TCEA3: variants seen among roughly 807,000 people sequenced by gnomAD.
TCEA3 encodes the protein transcription elongation factor A protein 3.
In TCEA3, 36 loss-of-function variants were observed where a neutral mutation model predicts 44.0. The observed-to-expected ratio is 0.82, with a 90% confidence interval of 0.63 to 1.08. TCEA3 has a LOEUF of 1.08. TCEA3 is among the 50% of genes least tolerant of loss of function. The pLI is 0.00. For synonymous variants in TCEA3, 162 were observed against 159.7 expected (o/e 1.01, Z -0.11); for missense variants, 392 against 441.2 (o/e 0.89, Z 1.00).
intron 5 of TCEA3, chr1:23,404,230 C>A: frequency 1.4e-6 from 1 of 701,166 alleles, no homozygotes; most frequent in South Asian, 1.5e-5. Context: ...TCTCCCCTGT[C>A]AACATGGTAT....
chr1:23,414,406 T>G (rs1639828516), intron 4 of TCEA3, among the ~76,000 whole-genome samples: 1 of 151,688 alleles, frequency 6.6e-6, no homozygotes, highest in Non-Finnish European at 1.5e-5. Flanking sequence ...TTTTGTTTTG[T>G]TTTGTTTTGT....
At chr1:23,408,254 G>C (rs1002111829) in intron 5 of TCEA3, among the ~76,000 whole-genome samples, 2 of 152,272 alleles carry the variant, frequency 1.3e-5, no homozygotes, top group African/African-American at 2.4e-5. Context: ...GAGCCACTGT[G>C]CCCAGCCTAG....
intron 10 of TCEA3, chr1:23,383,840 T>G: frequency 1.0e-6 from 1 of 987,400 alleles, no homozygotes; most frequent in Non-Finnish European, 1.2e-6. Flanking sequence ...TGGGGCAGTC[T>G]GAGTTACAGA....
intron 1 of TCEA3, among the ~76,000 whole-genome samples, chr1:23,421,267 T>G (rs573745063): frequency 3.9e-5 from 6 of 152,354 alleles, no homozygotes; most frequent in African/African-American, 1.4e-4. Context: ...TACAGAATTA[T>G]TATCCTGTGT....
At chr1:23,408,296 G>C (rs1204628550) in intron 5 of TCEA3, among the ~76,000 whole-genome samples, 1 of 152,138 alleles carries the variant, frequency 6.6e-6, no homozygotes, top group Non-Finnish European at 1.5e-5. Context: ...GTCCCCACTG[G>C]GTTCAATCGG....
chr1:23,402,643 C>T (rs1170715484), intron 5 of TCEA3, among the ~76,000 whole-genome samples: 1 of 152,162 alleles, frequency 6.6e-6, no homozygotes, highest in Non-Finnish European at 1.5e-5. Flanking sequence ...AATTCTCTAG[C>T]ACATCACCTG....
chr1:23,412,986 T>C (rs901315216), intron 4 of TCEA3, among the ~76,000 whole-genome samples: 7 of 152,184 alleles, frequency 4.6e-5, no homozygotes, highest in Non-Finnish European at 1.0e-4. Flanking sequence ...GAGATACCTC[T>C]CCATTTTCTG....
chr1:23,392,695 A>T (rs1639096807), intron 8 of TCEA3, among the ~76,000 whole-genome samples: 1 of 30,394 alleles, frequency 3.3e-5, no homozygotes, highest in Non-Finnish European at 7.0e-5. Context: ...ACACACACAC[A>T]CTCCACATAT....
chr1:23,381,188 T>C lies in TCEA3; in HGVS notation c.*278A>G. Reference sequence around the variant, plus strand: ...CCTCAGCCTCCCAGAGTTTGCAGATTACAGCCATAAACCACCGTGCCCAGC... The same window carrying C: ...CCTCAGCCTCCCAGAGTTTGCAGATCACAGCCATAAACCACCGTGCCCAGC... On this transcript the variant is annotated 3_prime_UTR_variant, in exon 11 of 11. Transcript: ENST00000450454. 2.2e-6 allele frequency: 1 copy of C among 446,292 alleles called. No homozygotes were observed. Among genetic ancestry groups the C allele is most frequent in the Non-Finnish European group, 4.0e-6 (1 of 249,336 alleles). 27.6% of individuals were successfully genotyped at this position (446,292 alleles called of 1,614,324 possible).
chr1:23,413,587 C>T (rs1047847102), intron 4 of TCEA3, among the ~76,000 whole-genome samples: 7 of 152,126 alleles, frequency 4.6e-5, no homozygotes, highest in African/African-American at 1.7e-4. Flanking sequence ...GTACCCACTA[C>T]CATGCCCAGC....
At chr1:23,394,073 C>T (rs748351176) in intron 7 of TCEA3, 40 bp from the exon 8 acceptor site, 2 of 1,611,816 alleles carry the variant, frequency 1.2e-6, no homozygotes, top group South Asian at 1.1e-5. Context: ...CATGGAGGGG[C>T]ACAGAAGGGT....
intron 8 of TCEA3, among the ~76,000 whole-genome samples, chr1:23,392,412 G>GCACAATACACACATACTCCACACATCATA (rs1639067274): frequency 1.6e-4 from 1 of 6,240 alleles, no homozygotes; most frequent in Non-Finnish European, 2.6e-4. Flanking sequence ...ACATCATCAT[G>GCACAATACACACATACTCCACACATCATA]CACAATACAC....
In TCEA3 at chr1:23,418,000, T is replaced by A; in HGVS notation, c.142A>T (p.Ile48Phe). 6.2e-7 allele frequency: 1 copy of A among 1,613,986 alleles called. No homozygotes were observed. The highest frequency in any genetic ancestry group is 8.5e-7 in the Non-Finnish European group (1 of 1,179,842). The change falls in exon 3 of 11, where the codon ATT becomes TTT. Residue 48 changes from isoleucine (I) to phenylalanine (F), a missense_variant. Ile to Phe is a conservative substitution (Grantham distance 21). Transcript: ENST00000450454. ...CGGACCCCATTAACAGCAACTCCAA[T>A]CCTGGTTGTCTGCAAAGTGAGAGGG... ...MSIQLLQTTRIGVAVNGVRKH... is the reference protein window; with the variant it reads ...MSIQLLQTTRFGVAVNGVRKH...
intron 5 of TCEA3, chr1:23,403,452 C>T (rs990500140): frequency 7.9e-5 from 12 of 152,216 alleles, no homozygotes; most frequent in African/African-American, 2.9e-4. Context: ...AGGCAGTTTA[C>T]ATAGATAACC....
At chr1:23,404,019 T>G (rs543239215) in intron 5 of TCEA3, 146 of 669,304 alleles carry the variant, frequency 2.2e-4, no homozygotes, top group Non-Finnish European at 3.5e-4. Flanking sequence ...AGCTTCCTTC[T>G]GCTCCCCGGA....
chr1:23,405,461 T>G (rs974171509), intron 5 of TCEA3, among the ~76,000 whole-genome samples: 13 of 152,124 alleles, frequency 8.5e-5, no homozygotes, highest in African/African-American at 2.7e-4. Flanking sequence ...GTGGGCATGG[T>G]GGCACATGCC....
intron 9 of TCEA3, among the ~76,000 whole-genome samples, chr1:23,386,171 C>T (rs1224950760): frequency 6.6e-6 from 1 of 152,216 alleles, no homozygotes; most frequent in African/African-American, 2.4e-5. Context: ...TGTACCAAGG[C>T]TTGCCCTTCT....
chr1:23,406,364 C>T (rs1558054064), intron 5 of TCEA3, among the ~76,000 whole-genome samples: 1 of 152,208 alleles, frequency 6.6e-6, no homozygotes, highest in Non-Finnish European at 1.5e-5. Flanking sequence ...CACCTACTCT[C>T]CCAGAGGCCA....
Position 23,381,343 on chromosome 1 carries a change from T to C in TCEA3, c.*123A>G. On this transcript the variant is annotated 3_prime_UTR_variant, in exon 11 of 11. Transcript: ENST00000450454. ...GCAAGAGAATTCTTCCTCTAACTCATACCATCCCACTCAGACAGAGTTCAG... is the reference window on the plus strand; with the variant it reads ...GCAAGAGAATTCTTCCTCTAACTCACACCATCCCACTCAGACAGAGTTCAG... 1 of 726,658 alleles carries C rather than the reference T, an allele frequency of 1.4e-6. No individual in the cohort carries two copies. The highest frequency in any genetic ancestry group is 1.5e-5 in the South Asian group (1 of 65,228). 45.0% of individuals were successfully genotyped at this position (726,658 alleles called of 1,614,324 possible). A position where few individuals can be genotyped will look rare whatever the true frequency, so the allele number is the denominator to read the frequency against.
Sources: gnomAD v4.1 joint callset for allele counts (sites outside exome capture counted in the v4.1 genomes callset) on GRCh38, gnomAD v4.1.1 for gene constraint, MANE v1.5 for transcripts, NCBI Gene and HGNC (gene_info 2026-07-23, HGNC 2026-07-21) for gene names.